The following SCTR variants were observed in gnomAD, a reference collection of about 807,000 sequenced individuals.
SCTR encodes secretin receptor.
A neutral mutation model predicts 60.8 loss-of-function variants in SCTR; 56 were observed. The observed-to-expected ratio is 0.92, with a 90% CI of 0.74 to 1.15. SCTR has a LOEUF of 1.15. Ranked by LOEUF, SCTR falls within the 50% of genes most tolerant of loss-of-function variation. SCTR has a pLI of 0.00. For synonymous variants in SCTR, 202 were observed against 217.0 expected (o/e 0.93, Z 0.61); for missense variants, 562 against 550.4 (o/e 1.02, Z -0.21).
rs774914496 is a variant in SCTR, at chr2:119,465,771, C to G, written c.503+18G>C. 6.4e-7 allele frequency: 1 copy of G among 1,561,860 alleles called. No individual in the cohort carries two copies. On this transcript the variant is annotated intron_variant, in intron 5 of 12. Coordinates refer to ENST00000019103, the MANE Select transcript of SCTR (RefSeq NM_002980.3). Reference sequence around the variant, plus strand: ...CTGAGGAGGGCTGGGGTATGGAGAGCTGGCAGTGTGTTCTCACCGGAAAGC... The same window carrying G: ...CTGAGGAGGGCTGGGGTATGGAGAGGTGGCAGTGTGTTCTCACCGGAAAGC...
At chr2:119,512,484 C>T (rs978662305) in intron 1 of SCTR, among the ~76,000 whole-genome samples, 1 of 152,146 alleles carries the variant, frequency 6.6e-6, no homozygotes, top group African/African-American at 2.4e-5. Flanking sequence ...GCATCCTCTG[C>T]CTCCCAGGCT....
At chr2:119,466,712 C>T (rs1683848491) in intron 4 of SCTR, among the ~76,000 whole-genome samples, 1 of 152,152 alleles carries the variant, frequency 6.6e-6, no homozygotes, top group Non-Finnish European at 1.5e-5. Flanking sequence ...GATCCAGCCA[C>T]TGCACTCCAG....
intron 1 of SCTR, among the ~76,000 whole-genome samples, chr2:119,504,795 C>T (rs577511157): frequency 3.2e-4 from 49 of 152,018 alleles, no homozygotes; most frequent in African/African-American, 1.0e-3. Context: ...GCTATGGAAT[C>T]GGAGAAAATG....
At chr2:119,502,022 A>C (rs1184446693) in intron 1 of SCTR, among the ~76,000 whole-genome samples, 1 of 152,176 alleles carries the variant, frequency 6.6e-6, no homozygotes, top group African/African-American at 2.4e-5. Context: ...TTGGGCGGCC[A>C]AGGTAGGTGG....
rs1679049286 is a variant in SCTR, at chr2:119,514,415, A to C, written c.72+9740T>G. 2.0e-5 allele frequency among the ~76,000 whole-genome samples: 3 copies of C among 152,372 alleles called. No homozygotes were observed. In the South Asian group the frequency reaches 6.2e-4, roughly 32 times the overall value. On this transcript the variant is annotated intron_variant, in intron 1 of 12. Coordinates refer to ENST00000019103, the MANE Select transcript of SCTR (RefSeq NM_002980.3). ...ATGGAGCATCCATATACTATCCTGTAGAAAGCAACAGAAAAATCCAGTCTG... is the reference window on the plus strand; with the variant it reads ...ATGGAGCATCCATATACTATCCTGTCGAAAGCAACAGAAAAATCCAGTCTG...
rs1298309149 is a variant in SCTR at position 119,458,457 on chromosome 2, T to G, written c.790+3390A>C. Among the ~76,000 whole-genome samples, 10 of 152,112 alleles carry G rather than the reference T, an allele frequency of 6.6e-5. No homozygotes were observed. The East Asian group carries it at 1.9e-3, about 29-fold the overall frequency. ...TCCACTAAAAACACAAAAAATTAGC[T>G]GGGTGTGGTGGTGGGCACCTGTAAT... On this transcript the variant is annotated intron_variant, in intron 7 of 12. Coordinates refer to ENST00000019103, the MANE Select transcript of SCTR (RefSeq NM_002980.3).
chr2:119,474,169 C>T (rs563143601), intron 3 of SCTR, among the ~76,000 whole-genome samples: 2 of 152,318 alleles, frequency 1.3e-5, no homozygotes, highest in Non-Finnish European at 2.9e-5. Context: ...ACCCCTGGCA[C>T]GAGGACGCAT....
chr2:119,493,518 T>C (rs1678217993), intron 2 of SCTR, among the ~76,000 whole-genome samples: 1 of 152,206 alleles, frequency 6.6e-6, no homozygotes, highest in Non-Finnish European at 1.5e-5. Context: ...GTGCTTAAAG[T>C]GTTGATTAAT....
intron 1 of SCTR, among the ~76,000 whole-genome samples, chr2:119,522,963 A>G (rs1679332684): frequency 6.6e-6 from 1 of 152,204 alleles, no homozygotes; most frequent in African/African-American, 2.4e-5. Flanking sequence ...AATTGCACTC[A>G]TCCCAACTAC....
chr2:119,446,724 CTT>C, intron 11 of SCTR, 33 bp downstream of exon 11: 1 of 1,451,474 alleles, frequency 6.9e-7, no homozygotes, highest in Non-Finnish European at 9.2e-7. Context: ...GAGAACTCCT[CTT>C]TTCAGCTGGC....
chr2:119,449,690 C>T (rs1324094778), intron 9 of SCTR, among the ~76,000 whole-genome samples: 3 of 152,124 alleles, frequency 2.0e-5, no homozygotes, highest in Non-Finnish European at 1.5e-5. Context: ...TGGAATCACC[C>T]AGCCTCACAC....
Position 119,473,448 on chromosome 2 carries a change from C to G in SCTR, c.405+5G>C, listed in dbSNP as rs567471443. ...GGTTCGTGGGGTGGAGGTTGACAGG[C>G]TTACCCGCTTCTCGTTGGAAGAGTC... is the stretch of plus-strand genomic sequence containing the variant. On this transcript the variant is annotated splice_donor_5th_base_variant and intron_variant, in intron 4 of 12. Transcript: ENST00000019103. 3 of 1,607,736 alleles carry G rather than the reference C, an allele frequency of 1.9e-6. No homozygotes were observed. The highest frequency in any genetic ancestry group is 2.6e-6 in the Non-Finnish European group (3 of 1,174,400).
intron 3 of SCTR, among the ~76,000 whole-genome samples, chr2:119,474,895 AG>A (rs1175351941): frequency 6.6e-6 from 1 of 152,254 alleles, no homozygotes; most frequent in Non-Finnish European, 1.5e-5. Context: ...GTGGAGGCTC[AG>A]GAGGCCTGGA....
intron 4 of SCTR, among the ~76,000 whole-genome samples, chr2:119,473,251 G>A (rs998226290): frequency 1.1e-4 from 17 of 152,132 alleles, no homozygotes; most frequent in Admixed American, 7.9e-4. Context: ...CATCATCTCC[G>A]GGTCGATAGA....
intron 11 of SCTR, among the ~76,000 whole-genome samples, chr2:119,444,204 T>TATATACATATGAATATGTACAC (rs1558830705): frequency 7.7e-6 from 1 of 130,398 alleles, no homozygotes; most frequent in Non-Finnish European, 1.5e-5. Flanking sequence ...CACATATGTA[T>TATATACATATGAATATGTACAC]ATATACATAT....
chr2:119,466,760 A>T (rs1327815233), intron 4 of SCTR, among the ~76,000 whole-genome samples: 4 of 138,078 alleles, frequency 2.9e-5, no homozygotes, highest in Non-Finnish European at 6.0e-5. Flanking sequence ...CAAATAAATA[A>T]ATATATACAT....
intron 3 of SCTR, among the ~76,000 whole-genome samples, chr2:119,478,387 C>T (rs116655860): frequency 0.015 from 2,337 of 152,258 alleles, 65 homozygotes; most frequent in African/African-American, 0.052. Context: ...GCCAATTTCT[C>T]AGCAGGGCCT....
chr2:119,506,303 A>G (rs931536275), intron 1 of SCTR, among the ~76,000 whole-genome samples: 1 of 152,244 alleles, frequency 6.6e-6, no homozygotes. Context: ...GTACATTCAT[A>G]CTATGGAACC....
intron 2 of SCTR, among the ~76,000 whole-genome samples, chr2:119,493,643 T>TC (rs932489622): frequency 7.6e-5 from 10 of 132,066 alleles, no homozygotes; most frequent in Non-Finnish European, 1.1e-4. Flanking sequence ...TTCTTCTTCT[T>TC]TTTTTTTTTT....
Sources: gnomAD v4.1 joint callset for allele counts (sites outside exome capture counted in the v4.1 genomes callset) on GRCh38, gnomAD v4.1.1 for gene constraint, MANE v1.5 for transcripts, NCBI Gene and HGNC (gene_info 2026-07-23, HGNC 2026-07-21) for gene names.